NCAM2: variants seen among roughly 807,000 people sequenced by gnomAD.
NCAM2 encodes the protein neural cell adhesion molecule 2, also known as N-CAM-2.
Under a neutral mutation model 98.1 loss-of-function variants are expected in NCAM2, and 30 were observed. That is an observed-to-expected ratio of 0.31 (90% CI 0.23 to 0.41). The LOEUF is 0.41. Ranked by LOEUF, NCAM2 falls within the 10% of genes least tolerant of loss-of-function variation. The pLI is 1.00. For missense variants in NCAM2, 867 were observed against 1,005.8 expected (o/e 0.86, Z 1.87); for synonymous variants, 368 against 342.4 (o/e 1.07, Z -0.83).
chr21:21,268,696 T>G (rs1434034682), intron 1 of NCAM2, among the ~76,000 whole-genome samples: 2 of 152,202 alleles, frequency 1.3e-5, no homozygotes, highest in African/African-American at 4.8e-5. Flanking sequence ...TGATTCACTT[T>G]GCTTCATCGG....
intron 1 of NCAM2, among the ~76,000 whole-genome samples, chr21:21,016,610 T>A (rs2064314508): frequency 6.6e-6 from 1 of 152,138 alleles, no homozygotes; most frequent in Non-Finnish European, 1.5e-5. Flanking sequence ...GTTTTACTCT[T>A]GTTAAGTGTA....
rs1990242727 is a variant in NCAM2, at chr21:21,541,792, G to A, written c.*3835G>A. 1 of 151,504 alleles carries A rather than the reference G, an allele frequency of 6.6e-6. No homozygotes were observed. Among genetic ancestry groups the A allele is most frequent in the African/African-American group, 2.4e-5 (1 of 41,330 alleles). The allele number at this position is 151,504 out of a possible 1,614,324, so 9.4% of individuals were successfully genotyped here. On this transcript the variant is annotated 3_prime_UTR_variant, in exon 18 of 18. Coordinates refer to ENST00000400546, the MANE Select transcript of NCAM2 (RefSeq NM_004540.5). ...CAATGTTGTTTTTCACAGAAAATAA[G>A]GTAAACATTCAACTTAAATCCCCCA...
At chr21:21,083,357 A>G (rs558301339) in intron 1 of NCAM2, among the ~76,000 whole-genome samples, 10 of 151,866 alleles carry the variant, frequency 6.6e-5, no homozygotes, top group Non-Finnish European at 1.3e-4. Flanking sequence ...AATTGTTGGA[A>G]CTAGTTTTTT....
chr21:21,488,798 T>C (rs1986606777), intron 15 of NCAM2, among the ~76,000 whole-genome samples: 1 of 151,948 alleles, frequency 6.6e-6, no homozygotes, highest in African/African-American at 2.4e-5. Context: ...CATATATTTT[T>C]GTCTGGCCTT....
chr21:21,409,659 T>C (rs1409103146), intron 9 of NCAM2, among the ~76,000 whole-genome samples: 1 of 152,214 alleles, frequency 6.6e-6, no homozygotes, highest in Non-Finnish European at 1.5e-5. Context: ...ACATAGTCAA[T>C]ATGTATTTTT....
intron 11 of NCAM2, among the ~76,000 whole-genome samples, chr21:21,428,360 T>G (rs765354631): frequency 1.3e-5 from 2 of 152,198 alleles, no homozygotes; most frequent in African/African-American, 2.4e-5. Flanking sequence ...ACCAGTATCT[T>G]TGCATACACC....
At chr21:21,077,967 A>T (rs1294064748) in intron 1 of NCAM2, among the ~76,000 whole-genome samples, 1 of 152,136 alleles carries the variant, frequency 6.6e-6, no homozygotes, top group Non-Finnish European at 1.5e-5. Flanking sequence ...TATTTATAGA[A>T]CCTTACAAGC....
intron 1 of NCAM2, among the ~76,000 whole-genome samples, chr21:21,160,155 A>T (rs776881341): frequency 1.3e-5 from 2 of 152,044 alleles, no homozygotes; most frequent in African/African-American, 4.8e-5. Flanking sequence ...CTGTTACTAT[A>T]TTTTATTTAA....
At position 21,086,253 on chromosome 21, in the gene NCAM2, A is replaced by G. The variant is rs529981190; in HGVS notation, c.55+87635A>G. The stretch of plus-strand genomic sequence containing the variant: ...ATAGCAATGGATGCTTTGCATGACC[A>G]TGAAATATAAAAGACAATCTTGAAA... On this transcript the variant is annotated intron_variant, in intron 1 of 17. Transcript: ENST00000400546. Among the ~76,000 whole-genome samples the G allele has an allele frequency of 5.3e-5, 8 of 152,340 alleles. No individual in the cohort carries two copies. The East Asian group carries it at 5.8e-4, about 11-fold the overall frequency.
intron 1 of NCAM2, among the ~76,000 whole-genome samples, chr21:21,031,159 T>C (rs2064673415): frequency 6.6e-6 from 1 of 151,952 alleles, no homozygotes; most frequent in South Asian, 2.1e-4. Flanking sequence ...TAAAACTACT[T>C]TATAAATAAT....
chr21:21,514,133 T>A (rs569208189), intron 16 of NCAM2, among the ~76,000 whole-genome samples: 1 of 150,842 alleles, frequency 6.6e-6, no homozygotes, highest in African/African-American at 2.4e-5. Context: ...CTATATATGG[T>A]ATAATTAAAT....
intron 8 of NCAM2, among the ~76,000 whole-genome samples, chr21:21,369,644 T>C (rs2075868562): frequency 6.6e-6 from 1 of 151,852 alleles, no homozygotes; most frequent in Non-Finnish European, 1.5e-5. Flanking sequence ...TGGTAGCCAC[T>C]CCAATGAATG....
chr21:21,008,050 A>G (rs1333446841), intron 1 of NCAM2, among the ~76,000 whole-genome samples: 3 of 152,194 alleles, frequency 2.0e-5, no homozygotes, highest in Non-Finnish European at 4.4e-5. Flanking sequence ...ATGTTCTAGC[A>G]GTAACTTTGT....
At chr21:21,208,361 A>C (rs571254418) in intron 1 of NCAM2, among the ~76,000 whole-genome samples, 1 of 152,290 alleles carries the variant, frequency 6.6e-6, no homozygotes, top group Non-Finnish European at 1.5e-5. Flanking sequence ...AATAAAATCC[A>C]ATCTGTACTA....
At chr21:21,210,595 C>T (rs1175239917) in intron 1 of NCAM2, 1 of 1,288,576 alleles carries the variant, frequency 7.8e-7, no homozygotes, top group Non-Finnish European at 1.0e-6. Flanking sequence ...ACAAGTTTAC[C>T]TTGATTATCA....
Position 21,196,806 on chromosome 21 carries a change from G to A in NCAM2, c.56-83772G>A, listed in dbSNP as rs1327240003. Reference sequence around the variant, plus strand: ...ATCTCATGCCCGCTTGTTATCCCCAGTGTTGGAGGTGGGGCCTGGTGGCAG... The same window carrying A: ...ATCTCATGCCCGCTTGTTATCCCCAATGTTGGAGGTGGGGCCTGGTGGCAG... On this transcript the variant is annotated intron_variant, in intron 1 of 17. Coordinates refer to ENST00000400546, the MANE Select transcript of NCAM2 (RefSeq NM_004540.5). Among the ~76,000 whole-genome samples, 4 of 152,224 alleles carry A rather than the reference G, an allele frequency of 2.6e-5. No individual in the cohort carries two copies. The East Asian group carries it at 5.8e-4, about 22-fold the overall frequency.
intron 16 of NCAM2, among the ~76,000 whole-genome samples, chr21:21,513,439 T>C (rs1425947609): frequency 6.6e-6 from 1 of 152,144 alleles, no homozygotes; most frequent in Non-Finnish European, 1.5e-5. Flanking sequence ...CCTTTTTAAT[T>C]TCATTGACTT....
At position 21,356,564 on chromosome 21, in the gene NCAM2, TAATC is replaced by T. The variant is rs140579274; in HGVS notation, c.1045-17297_1045-17294del. ...ATTTTATAAAATATAAGCAGTGACT[TAATC>T]AGTCATAGTAATTTATGTAACTAAC... On this transcript the variant is annotated intron_variant, in intron 8 of 17. Transcript: ENST00000400546. Among the ~76,000 whole-genome samples the T allele has an allele frequency of 5.5e-4, 84 of 152,300 alleles. 2 individuals carry two copies. The East Asian group carries it at 0.014, about 26-fold the overall frequency.
chr21:21,412,982 TAATA>T (rs1304426483), intron 10 of NCAM2, among the ~76,000 whole-genome samples: 2 of 152,172 alleles, frequency 1.3e-5, no homozygotes, highest in Non-Finnish European at 2.9e-5. Context: ...AAGTTGTCAG[TAATA>T]AATTTATTGA....
Sources: allele counts gnomAD v4.1 joint callset (sites outside exome capture counted in the v4.1 genomes callset), GRCh38; gene constraint gnomAD v4.1.1; transcripts MANE v1.5; gene names NCBI Gene and HGNC (gene_info 2026-07-23, HGNC 2026-07-21).